GALNT18: variants seen among roughly 807,000 people sequenced by gnomAD.
GALNT18 encodes the protein polypeptide N-acetylgalactosaminyltransferase 18.
GALNT18 carries 44 observed loss-of-function variants against 69.5 expected under a neutral mutation model. The ratio of observed to expected loss-of-function variants is 0.63; its 90% CI spans 0.50 to 0.81. The LOEUF is 0.81. Among genes scored for constraint, GALNT18 ranks in the 40% least tolerant of loss-of-function variants. The pLI, the probability that GALNT18 is intolerant of heterozygous loss-of-function variation, is 0.00. For missense variants in GALNT18, 715 were observed against 810.0 expected, an observed-to-expected ratio of 0.88 and a Z score of 1.42; for synonymous variants, 364 against 318.2, an observed-to-expected ratio of 1.14 and a Z score of -1.53.
rs901264685 is a variant in GALNT18 at position 11,413,643 on chromosome 11, G to T, written c.595+18978C>A. Among the ~76,000 whole-genome samples the T allele has an allele frequency of 6.6e-6, 1 of 152,206 alleles. No homozygotes were observed. Among genetic ancestry groups the T allele is most frequent in the South Asian group, 2.1e-4 (1 of 4,828 alleles). On this transcript the variant is annotated intron_variant, in intron 3 of 10. Coordinates refer to ENST00000227756, the MANE Select transcript of GALNT18 (RefSeq NM_198516.3). This position sits in a 1 kb window ranked among gnomAD's most constrained non-coding sequence, Gnocchi z 4.7. ...AAGCCTCCACTCTGGGTCTGTGGCT[G>T]CACCCGGGGCCCCAGCATGGAGCAG...
Position 11,469,481 on chromosome 11 carries a change from G to C in GALNT18, c.236-20545C>G, listed in dbSNP as rs1480117613. Reference sequence around the variant, plus strand: ...TCAACAGAAGCCCCTGTCCTCTAGAGAGCAATCCCTGGTCCCCTGACCCCT... The same window carrying C: ...TCAACAGAAGCCCCTGTCCTCTAGACAGCAATCCCTGGTCCCCTGACCCCT... On this transcript the variant is annotated intron_variant, in intron 1 of 10. Coordinates refer to ENST00000227756, the MANE Select transcript of GALNT18 (RefSeq NM_198516.3). This position sits in a 1 kb window ranked among gnomAD's most constrained non-coding sequence, Gnocchi z 4.2. Among the ~76,000 whole-genome samples, 1 of 152,204 alleles carries C rather than the reference G, an allele frequency of 6.6e-6. No homozygotes were observed. Among genetic ancestry groups the C allele is most frequent in the Non-Finnish European group, 1.5e-5 (1 of 68,040 alleles).
rs1481673376 is a variant in GALNT18 at position 11,583,101 on chromosome 11, T to G, written c.235+38258A>C. On this transcript the variant is annotated intron_variant, in intron 1 of 10. Transcript: ENST00000227756. This position sits in a 1 kb window ranked among gnomAD's most constrained non-coding sequence, Gnocchi z 4.7. The stretch of plus-strand genomic sequence containing the variant: ...AAAAACCAGGAGGGCCAGCAAAGCC[T>G]GGTGCTTTCCAGCTCTTTCCTGAGA... 6.6e-6 allele frequency among the ~76,000 whole-genome samples: 1 copy of G among 152,236 alleles called. No individual in the cohort carries two copies. The highest frequency in any genetic ancestry group is 1.5e-5 in the Non-Finnish European group (1 of 68,032).
Position 11,505,943 on chromosome 11 carries a change from C to A in GALNT18, c.236-57007G>T. On this transcript the variant is annotated intron_variant, in intron 1 of 10. Transcript: ENST00000227756. This position sits in a 1 kb window ranked among gnomAD's most constrained non-coding sequence, Gnocchi z 4.6. ...CATCCTCCCCTATGGCCTTCCTTAT[C>A]AGTACAGGTTAGCAAGCATTTAAAG... Among the ~76,000 whole-genome samples, 1 of 152,154 alleles carries A rather than the reference C, an allele frequency of 6.6e-6. No individual in the cohort carries two copies. The highest frequency in any genetic ancestry group is 1.9e-4 in the East Asian group (1 of 5,192).
chr11:11,337,015 T>G lies in GALNT18; in HGVS notation c.1278+3804A>C, dbSNP rs1229139622. Among the ~76,000 whole-genome samples, 1 of 151,996 alleles carries G rather than the reference T, an allele frequency of 6.6e-6. No individual in the cohort carries two copies. Among genetic ancestry groups the G allele is most frequent in the African/African-American group, 2.4e-5 (1 of 41,362 alleles). The stretch of plus-strand genomic sequence containing the variant: ...GGCTTCCTGGAGTAAGCAACACTTG[T>G]GGGTTTGAAAAAATGAGAAGGACTA... On this transcript the variant is annotated intron_variant, in intron 7 of 10. Coordinates refer to ENST00000227756, the MANE Select transcript of GALNT18 (RefSeq NM_198516.3). The surrounding 1 kb of genome is among the most constrained non-coding windows in gnomAD (Gnocchi z 4.9).
In GALNT18 at chr11:11,389,629, C is replaced by G. The variant is rs572204860; in HGVS notation, c.596-10365G>C. On this transcript the variant is annotated intron_variant, in intron 3 of 10. Coordinates refer to ENST00000227756, the MANE Select transcript of GALNT18 (RefSeq NM_198516.3). The surrounding 1 kb of genome is among the most constrained non-coding windows in gnomAD (Gnocchi z 4.3). ...AGCTGTGTCCAGGCAGGAGTGGACG[C>G]TGCTCCAGCCCCAGCTCCTCCAGCT... Among the ~76,000 whole-genome samples, 20 of 152,330 alleles carry G rather than the reference C, an allele frequency of 1.3e-4. No individual in the cohort carries two copies. The highest frequency in any genetic ancestry group is 4.6e-4 in the African/African-American group (19 of 41,566).
intron 9 of GALNT18, among the ~76,000 whole-genome samples, chr11:11,300,991 C>A (rs1461504162): frequency 6.6e-6 from 1 of 152,186 alleles, no homozygotes; most frequent in Non-Finnish European, 1.5e-5. Flanking sequence ...CCCTGCAGAT[C>A]GGGATCTAGC....
intron 9 of GALNT18, among the ~76,000 whole-genome samples, chr11:11,301,174 T>C (rs1181783237): frequency 1.3e-5 from 2 of 152,088 alleles, no homozygotes; most frequent in African/African-American, 4.8e-5. Flanking sequence ...GTCTGATCAA[T>C]AGGTCTGCAG....
chr11:11,273,711 G>C (rs571169971), intron 10 of GALNT18, among the ~76,000 whole-genome samples: 1 of 152,174 alleles, frequency 6.6e-6, no homozygotes, highest in South Asian at 2.1e-4. Flanking sequence ...CAAAAGAAAG[G>C]AAACCAGCAT....
rs76746878 is a variant in GALNT18 at position 11,313,767 on chromosome 11, T to A, written c.1512+13319A>T. On this transcript the variant is annotated intron_variant, in intron 9 of 10. Coordinates refer to ENST00000227756, the MANE Select transcript of GALNT18 (RefSeq NM_198516.3). Reference sequence around the variant, plus strand: ...TACATACCTGCCTTAAGCCCCAGTTTTCTCACCTGTAAAGAATAGCAGTGC... The same window carrying A: ...TACATACCTGCCTTAAGCCCCAGTTATCTCACCTGTAAAGAATAGCAGTGC... Among the ~76,000 whole-genome samples, 299 of 152,336 alleles carry A rather than the reference T, an allele frequency of 2.0e-3. 4 individuals carry two copies. The highest frequency in any genetic ancestry group is 6.9e-3 in the African/African-American group (287 of 41,574).
chr11:11,343,304 T>C (rs1174521202), intron 6 of GALNT18, among the ~76,000 whole-genome samples: 1 of 151,850 alleles, frequency 6.6e-6, no homozygotes, highest in African/African-American at 2.4e-5. Context: ...GCCCTGATGG[T>C]GTCACACTGC....
intron 1 of GALNT18, among the ~76,000 whole-genome samples, chr11:11,608,272 G>A (rs1859801533): frequency 3.3e-5 from 5 of 152,300 alleles, no homozygotes; most frequent in Admixed American, 2.6e-4. Flanking sequence ...AAGGAAAGAG[G>A]GAATGAAGGA....
rs964045992 is a variant in GALNT18, at chr11:11,432,715, A to C, written c.501T>G (p.Leu167=). Residue 167 remains leucine, a synonymous_variant, in exon 3 of 11, where the codon CTT becomes CTG. Transcript: ENST00000227756. The surrounding 1 kb of genome is among the most constrained non-coding windows in gnomAD (Gnocchi z 5.8). ...SIVFIFVNEA[L]SVLLRSIHSA... ...AGTGGATGGAGCGCAGCAGCACTGAAAGCGCTTCATTGACGAAGATGAACA... is the reference window on the plus strand; with the variant it reads ...AGTGGATGGAGCGCAGCAGCACTGACAGCGCTTCATTGACGAAGATGAACA... The C allele has an allele frequency of 3.1e-6, 5 of 1,613,866 alleles. No homozygotes were observed. The highest frequency in any genetic ancestry group is 4.2e-6 in the Non-Finnish European group (5 of 1,179,976).
chr11:11,379,357 G>A, intron 3 of GALNT18, 93 bp from the exon 4 acceptor site: 1 of 1,276,598 alleles, frequency 7.8e-7, no homozygotes, highest in Non-Finnish European at 1.1e-6. Flanking sequence ...ATGACCCCCA[G>A]AGAAAGGCTG....
intron 1 of GALNT18, among the ~76,000 whole-genome samples, chr11:11,483,228 T>TA (rs1856571479): frequency 2.6e-5 from 4 of 152,322 alleles, no homozygotes; most frequent in Non-Finnish European, 4.4e-5. Context: ...TTGCCAGCTC[T>TA]ACTCTTAGCC....
chr11:11,338,926 G>A lies in GALNT18; in HGVS notation c.1278+1893C>T, dbSNP rs1197910970. 6.6e-6 allele frequency among the ~76,000 whole-genome samples: 1 copy of A among 152,112 alleles called. No individual in the cohort carries two copies. Among genetic ancestry groups the A allele is most frequent in the Non-Finnish European group, 1.5e-5 (1 of 68,002 alleles). On this transcript the variant is annotated intron_variant, in intron 7 of 10. Transcript: ENST00000227756. The surrounding 1 kb of genome is among the most constrained non-coding windows in gnomAD (Gnocchi z 5.3). ...GGAATCATGGACCCAAGGAGCTACAGAGATTCAAGGAAAAGGTGAAATCCT... is the reference window on the plus strand; with the variant it reads ...GGAATCATGGACCCAAGGAGCTACAAAGATTCAAGGAAAAGGTGAAATCCT...
intron 3 of GALNT18, among the ~76,000 whole-genome samples, chr11:11,425,760 T>C (rs1855115187): frequency 6.6e-6 from 1 of 152,128 alleles, no homozygotes; most frequent in Admixed American, 6.5e-5. Flanking sequence ...CTGTGTCACA[T>C]GAACAAGCCC....
intron 1 of GALNT18, among the ~76,000 whole-genome samples, chr11:11,607,536 A>G (rs1859785360): frequency 6.6e-6 from 1 of 152,262 alleles, no homozygotes; most frequent in Non-Finnish European, 1.5e-5. Context: ...TCTGAATTGT[A>G]AAGAATGTAT....
intron 6 of GALNT18, among the ~76,000 whole-genome samples, chr11:11,362,586 T>C (rs1434808428): frequency 6.6e-6 from 1 of 152,148 alleles, no homozygotes; most frequent in Non-Finnish European, 1.5e-5. Context: ...TGAAAATCTC[T>C]TCAACCTAGT....
chr11:11,392,672 T>C (rs959829990), intron 3 of GALNT18, among the ~76,000 whole-genome samples: 7 of 152,214 alleles, frequency 4.6e-5, no homozygotes, highest in Admixed American at 6.5e-5. Flanking sequence ...CTTTCTGAAG[T>C]TTTTAGCACT....
Sources: allele counts gnomAD v4.1 joint callset (sites outside exome capture counted in the v4.1 genomes callset), GRCh38; gene constraint gnomAD v4.1.1; non-coding constraint Gnocchi (gnomAD v3.1); transcripts MANE v1.5; gene names NCBI Gene and HGNC (gene_info 2026-07-23, HGNC 2026-07-21).